FOXJ3: variants seen among roughly 807,000 people sequenced by gnomAD.
FOXJ3 encodes forkhead box J3, also known as forkhead box protein J3.
A neutral mutation model predicts 76.1 loss-of-function variants in FOXJ3; 22 were observed. The ratio of observed to expected loss-of-function variants is 0.29; its 90% CI spans 0.21 to 0.41. The LOEUF (loss-of-function observed/expected upper bound fraction) is 0.41. Ranked by LOEUF, FOXJ3 falls within the 10% of genes least tolerant of loss-of-function variation. FOXJ3 has a pLI of 1.00. For missense variants in FOXJ3, 613 were observed against 762.1 expected (o/e 0.80, Z 2.30); for synonymous variants, 269 against 261.2 (o/e 1.03, Z -0.29).
At chr1:42,277,217 G>A (rs1350061814) in intron 3 of FOXJ3, among the ~76,000 whole-genome samples, 2 of 152,164 alleles carry the variant, frequency 1.3e-5, no homozygotes, top group Admixed American at 6.5e-5. Flanking sequence ...GCCGAAGCAG[G>A]AGGATCACTT....
At chr1:42,256,478 C>G (rs1243570900) in intron 4 of FOXJ3, among the ~76,000 whole-genome samples, 1 of 152,156 alleles carries the variant, frequency 6.6e-6, no homozygotes, top group Non-Finnish European at 1.5e-5. Context: ...AAAAGATGCT[C>G]AATATCAACA....
At chr1:42,322,507 CGATG>C (rs1346753217) in intron 1 of FOXJ3, among the ~76,000 whole-genome samples, 1 of 151,732 alleles carries the variant, frequency 6.6e-6, no homozygotes, top group African/African-American at 2.4e-5. Flanking sequence ...TGTTGAATCT[CGATG>C]GGTAAAGGGG....
intron 11 of FOXJ3, among the ~76,000 whole-genome samples, chr1:42,187,514 A>G (rs939756348): frequency 6.6e-6 from 1 of 152,214 alleles, no homozygotes; most frequent in African/African-American, 2.4e-5. Flanking sequence ...TGGGCTTAGA[A>G]CCCATGAGAG....
chr1:42,244,576 A>G (rs1384607609), intron 4 of FOXJ3, among the ~76,000 whole-genome samples: 2 of 152,212 alleles, frequency 1.3e-5, no homozygotes, highest in Non-Finnish European at 2.9e-5. Flanking sequence ...GAGGTTTAAA[A>G]AATACAAACT....
At chr1:42,271,828 T>C (rs1459876697) in intron 3 of FOXJ3, among the ~76,000 whole-genome samples, 1 of 151,976 alleles carries the variant, frequency 6.6e-6, no homozygotes, top group Admixed American at 6.6e-5. Flanking sequence ...TCTTTTTTTA[T>C]TTTTTACTTT....
chr1:42,230,507 TA>T (rs1426951549), intron 4 of FOXJ3, among the ~76,000 whole-genome samples: 1 of 152,208 alleles, frequency 6.6e-6, no homozygotes, highest in Non-Finnish European at 1.5e-5. Context: ...ATGTTTCATA[TA>T]AATGTTTATA....
intron 2 of FOXJ3, chr1:42,280,180 A>T: frequency 3.5e-6 from 1 of 285,742 alleles, no homozygotes; most frequent in Non-Finnish European, 5.3e-6. Context: ...AGTGCTAGTT[A>T]ATAATATTAG....
intron 8 of FOXJ3, among the ~76,000 whole-genome samples, chr1:42,193,983 G>A (rs1406996747): frequency 3.3e-5 from 5 of 152,168 alleles, no homozygotes; most frequent in African/African-American, 1.2e-4. Context: ...CCGCTAAAAG[G>A]CATCATTTAT....
At chr1:42,279,652 G>T (rs1652550826) in intron 2 of FOXJ3, among the ~76,000 whole-genome samples, 1 of 152,060 alleles carries the variant, frequency 6.6e-6, no homozygotes, top group African/African-American at 2.4e-5. Flanking sequence ...TAGAAACAAG[G>T]CTTGACACTT....
chr1:42,214,722 A>G (rs1647031490), intron 5 of FOXJ3, among the ~76,000 whole-genome samples: 1 of 152,246 alleles, frequency 6.6e-6, no homozygotes, highest in Admixed American at 6.5e-5. Flanking sequence ...TGTGGAGTGC[A>G]GACAGCTAAA....
intron 4 of FOXJ3, among the ~76,000 whole-genome samples, chr1:42,228,473 C>G (rs914954826): frequency 6.6e-6 from 1 of 150,458 alleles, no homozygotes; most frequent in Non-Finnish European, 1.5e-5. Flanking sequence ...TAACTATTCT[C>G]TCTTACTTTT....
chr1:42,305,304 G>C (rs1302538393), intron 2 of FOXJ3, among the ~76,000 whole-genome samples: 1 of 152,148 alleles, frequency 6.6e-6, no homozygotes, highest in Non-Finnish European at 1.5e-5. Flanking sequence ...TGGTGGGAAT[G>C]TGTATTAGTA....
chr1:42,191,805 A>C, intron 8 of FOXJ3, 86 bp from the exon 9 acceptor site: 1 of 1,419,122 alleles, frequency 7.0e-7, no homozygotes, highest in South Asian at 1.3e-5. Context: ...TAACAAAAGC[A>C]TATGATGCCA....
chr1:42,200,551 T>G (rs910883916), intron 6 of FOXJ3, among the ~76,000 whole-genome samples: 6 of 152,202 alleles, frequency 3.9e-5, no homozygotes, highest in African/African-American at 1.4e-4. Flanking sequence ...CGATCTCGGC[T>G]CACTGCAACC....
rs115292818 is a variant in FOXJ3, at chr1:42,276,540, C to T, written c.369+1808G>A. Among the ~76,000 whole-genome samples the T allele has an allele frequency of 4.1e-3, 629 of 152,160 alleles. 3 individuals carry two copies. The highest frequency in any genetic ancestry group is 0.014 in the African/African-American group (586 of 41,498). The stretch of plus-strand genomic sequence containing the variant: ...AACACTAAGTCAAACAAAAGTATAG[C>T]ACGTCTTCAAATAACATCATTTCGT... On this transcript the variant is annotated intron_variant, in intron 3 of 12. Transcript: ENST00000361346.
chr1:42,215,680 A>C (rs1647050528), intron 5 of FOXJ3, among the ~76,000 whole-genome samples: 1 of 152,214 alleles, frequency 6.6e-6, no homozygotes, highest in African/African-American at 2.4e-5. Flanking sequence ...AAATTCTTGA[A>C]AATAAAGATA....
chr1:42,195,082 C>A lies in FOXJ3; in HGVS notation c.760-18G>T. 1 of 1,578,482 alleles carries A rather than the reference C, an allele frequency of 6.3e-7. No individual in the cohort carries two copies. The highest frequency in any genetic ancestry group is 8.6e-7 in the Non-Finnish European group (1 of 1,164,360). On this transcript the variant is annotated intron_variant, in intron 7 of 12. Transcript: ENST00000361346. ...CTTGTCACCTAACATTAAAAGAAAACACAACTAATTCAGCCTCTCTACTAA... is the reference window on the plus strand; with the variant it reads ...CTTGTCACCTAACATTAAAAGAAAAAACAACTAATTCAGCCTCTCTACTAA...
At chr1:42,217,134 CA>C (rs1248654319) in intron 5 of FOXJ3, among the ~76,000 whole-genome samples, 1 of 152,042 alleles carries the variant, frequency 6.6e-6, no homozygotes, top group Non-Finnish European at 1.5e-5. Flanking sequence ...GAGGCATCTT[CA>C]AATAACTATT....
intron 5 of FOXJ3, among the ~76,000 whole-genome samples, chr1:42,222,026 AGGG>A (rs1557649385): frequency 0.085 from 213 of 2,520 alleles, 33 homozygotes; most frequent in East Asian, 0.13. Flanking sequence ...GAGAAGGGGG[AGGG>A]GGAGGAGAAG....
Sources: gnomAD v4.1 joint callset for allele counts (sites outside exome capture counted in the v4.1 genomes callset) on GRCh38, gnomAD v4.1.1 for gene constraint, MANE v1.5 for transcripts, NCBI Gene and HGNC (gene_info 2026-07-23, HGNC 2026-07-21) for gene names.